CRB1: variants seen among roughly 807,000 people sequenced by gnomAD.
The protein encoded by CRB1 is crumbs cell polarity complex component 1.
CRB1 carries 83 observed loss-of-function variants against 120.0 expected under a neutral mutation model. The ratio of observed to expected loss-of-function variants is 0.69; its 90% CI spans 0.58 to 0.83. The LOEUF is 0.83. CRB1 is among the 40% of genes least tolerant of loss of function. The pLI, the probability that CRB1 is intolerant of heterozygous loss-of-function variation, is 0.00. For missense variants in CRB1, 1,699 were observed against 1,687.6 expected, an observed-to-expected ratio of 1.01 and a Z score of -0.12; for synonymous variants, 625 against 612.5, an observed-to-expected ratio of 1.02 and a Z score of -0.30.
chr1:197,269,900 G>A (rs1229830828), intron 1 of CRB1, among the ~76,000 whole-genome samples: 1 of 152,024 alleles, frequency 6.6e-6, no homozygotes, highest in African/African-American at 2.4e-5. Context: ...TAAATACTTT[G>A]TAATTATTTT....
At chr1:197,350,678 T>C (rs1571883766) in intron 4 of CRB1, among the ~76,000 whole-genome samples, 2 of 152,210 alleles carry the variant, frequency 1.3e-5, no homozygotes, top group South Asian at 4.1e-4. Context: ...AATAAGAGGC[T>C]ATACTAAATT....
At position 197,328,714 on chromosome 1, in the gene CRB1, T is replaced by A; in HGVS notation, c.363T>A (p.His121Gln). Reference sequence around the variant, plus strand: ...CCTGTGGCAAGAACTCCTGCCAACATGGAGGTATTTGCCATCAGGACCCTA... The same window carrying A: ...CCTGTGGCAAGAACTCCTGCCAACAAGGAGGTATTTGCCATCAGGACCCTA... ...IGSCGKNSCQHGGICHQDPIY... is the reference protein window; with the variant it reads ...IGSCGKNSCQQGGICHQDPIY... The change falls in exon 2 of 12, where the codon CAT (histidine) becomes CAA (glutamine). Residue 121 changes from histidine to glutamine, a missense_variant. Coordinates refer to ENST00000367400, the MANE Select transcript of CRB1 (RefSeq NM_201253.3). The A allele has an allele frequency of 6.2e-7, 1 of 1,612,680 alleles. No homozygotes were observed. The highest frequency in any genetic ancestry group is 8.5e-7 in the Non-Finnish European group (1 of 1,178,890).
intron 5 of CRB1, among the ~76,000 whole-genome samples, chr1:197,366,157 T>C (rs1661066357): frequency 6.6e-6 from 1 of 152,122 alleles, no homozygotes; most frequent in South Asian, 2.1e-4. Context: ...ACTATATTTA[T>C]AATTAATTAT....
At chr1:197,434,536 C>T (rs1665027904) in intron 8 of CRB1, among the ~76,000 whole-genome samples, 170 bp from the exon 9 acceptor site, 1 of 151,762 alleles carries the variant, frequency 6.6e-6, no homozygotes, top group Non-Finnish European at 1.5e-5. Flanking sequence ...TACCTGTATT[C>T]AAAAGTTTGA....
upstream of CRB1, among the ~76,000 whole-genome samples, chr1:197,266,987 A>G (rs1654661413): frequency 6.6e-6 from 1 of 152,160 alleles, no homozygotes. Context: ...AAAAGGCATG[A>G]CAGAAAACAT....
chr1:197,256,207 T>TA, the CRB1 span, among the ~76,000 whole-genome samples: 1 of 151,430 alleles, frequency 6.6e-6, no homozygotes. Flanking sequence ...ACTCTGTTCT[T>TA]AGAGAAATAC....
At chr1:197,432,710 C>A (rs559631895) in intron 8 of CRB1, among the ~76,000 whole-genome samples, 1 of 152,132 alleles carries the variant, frequency 6.6e-6, no homozygotes, top group Non-Finnish European at 1.5e-5. Flanking sequence ...AACAAATAAA[C>A]GTAATTTTAA....
At chr1:197,363,877 G>A (rs1317006353) in intron 5 of CRB1, 1 of 983,146 alleles carries the variant, frequency 1.0e-6, no homozygotes, top group Non-Finnish European at 1.6e-6. Context: ...GAACGTGGAA[G>A]GTGCATAGAG....
At chr1:197,392,038 G>A (rs1662532179) in intron 5 of CRB1, among the ~76,000 whole-genome samples, 1 of 151,994 alleles carries the variant, frequency 6.6e-6, no homozygotes, top group African/African-American at 2.4e-5. Context: ...GGCCAGCAGA[G>A]GGCTTACAAG....
At chr1:197,347,191 T>G in intron 3 of CRB1, 149 bp from the exon 4 acceptor site, 1 of 727,448 alleles carries the variant, frequency 1.4e-6, no homozygotes, top group Non-Finnish European at 2.5e-6. Context: ...AATCATGCAT[T>G]CAGTCCTGTA....
intron 1 of CRB1, among the ~76,000 whole-genome samples, chr1:197,276,406 A>T (rs1265913497): frequency 6.6e-6 from 1 of 151,860 alleles, no homozygotes; most frequent in African/African-American, 2.4e-5. Flanking sequence ...TTATCCAATA[A>T]GTATTTATTG....
rs138804945 is a variant in CRB1, at chr1:197,475,898, C to T, written c.4006-1766C>T. ...TTCTAAGGACTTTTATGTCTTCTTG[C>T]GTTTTATGTTTTGTTTTTGTTTTTG... On this transcript the variant is annotated intron_variant, in intron 11 of 11. Transcript: ENST00000367400. 7.7e-4 allele frequency among the ~76,000 whole-genome samples: 117 copies of T among 152,052 alleles called. 1 individual carries two copies. The highest frequency in any genetic ancestry group is 1.3e-3 in the Non-Finnish European group (89 of 67,966).
intron 1 of CRB1, among the ~76,000 whole-genome samples, chr1:197,310,462 T>TA (rs1479725295): frequency 6.6e-6 from 1 of 152,154 alleles, no homozygotes; most frequent in Non-Finnish European, 1.5e-5. Context: ...AGACCACAGA[T>TA]AATAGGGAAA....
chr1:197,420,059 T>C (rs1664222053), intron 5 of CRB1, among the ~76,000 whole-genome samples: 1 of 151,398 alleles, frequency 6.6e-6, no homozygotes, highest in Admixed American at 6.6e-5. Context: ...GAACTTAGAC[T>C]TCACTCTTTC....
At chr1:197,397,604 T>C (rs1295422684) in intron 5 of CRB1, among the ~76,000 whole-genome samples, 1 of 152,198 alleles carries the variant, frequency 6.6e-6, no homozygotes, top group Non-Finnish European at 1.5e-5. Context: ...TCTTACCTTC[T>C]TGCAATTGAA....
chr1:197,435,668 T>C, intron 9 of CRB1, 56 bp downstream of exon 9: 1 of 1,468,250 alleles, frequency 6.8e-7, no homozygotes, highest in Non-Finnish European at 9.4e-7. Flanking sequence ...TGCATCACTG[T>C]TCTTGTCAAA....
At chr1:197,341,276 C>T (rs539285994) in intron 2 of CRB1, among the ~76,000 whole-genome samples, 21 of 152,292 alleles carry the variant, frequency 1.4e-4, no homozygotes, top group Middle Eastern at 3.4e-3. Flanking sequence ...GACGCAGTGG[C>T]TCATGCCTGT....
chr1:197,317,399 C>G (rs1044498394), intron 1 of CRB1, among the ~76,000 whole-genome samples: 2 of 151,840 alleles, frequency 1.3e-5, no homozygotes, highest in Non-Finnish European at 2.9e-5. Flanking sequence ...GCCTGGGTGA[C>G]AGAGTGAGAC....
chr1:197,210,053 C>T, the CRB1 span, among the ~76,000 whole-genome samples: 1 of 152,236 alleles, frequency 6.6e-6, no homozygotes, highest in Admixed American at 6.5e-5. Flanking sequence ...CCACACACTG[C>T]TCTGTCCATC....
Sources: gnomAD v4.1 joint callset for allele counts (sites outside exome capture counted in the v4.1 genomes callset) on GRCh38, gnomAD v4.1.1 for gene constraint, MANE v1.5 for transcripts, NCBI Gene and HGNC (gene_info 2026-07-23, HGNC 2026-07-21) for gene names.